The following FN1 variants were observed in gnomAD, a reference collection of about 807,000 sequenced individuals.
The protein encoded by FN1 is fibronectin.
Under a neutral mutation model 297.3 loss-of-function variants are expected in FN1, and 106 were observed. The ratio of observed to expected loss-of-function variants is 0.36; its 90% CI spans 0.30 to 0.42. The LOEUF (loss-of-function observed/expected upper bound fraction) is 0.42, where lower values mean the gene tolerates loss of function less well. Ranked by LOEUF, FN1 falls within the 10% of genes least tolerant of loss-of-function variation. The pLI is 1.00. For missense variants in FN1, 2,690 were observed against 3,124.9 expected (o/e 0.86, Z 3.32); for synonymous variants, 1,149 against 1,152.6 (o/e 1.00, Z 0.06).
intron 44 of FN1, chr2:215,363,494 A>C (rs1052455591): frequency 6.6e-6 from 1 of 152,220 alleles, no homozygotes; most frequent in South Asian, 2.1e-4. Flanking sequence ...CTGGGGGTGA[A>C]ACAAGATCAT....
At chr2:215,406,599 T>C (rs966388468) in intron 18 of FN1, 89 bp from the exon 19 acceptor site, 50 of 1,368,584 alleles carry the variant, frequency 3.7e-5, no homozygotes, top group African/African-American at 3.1e-4. Flanking sequence ...AGGCAGTTCA[T>C]TGAGCCTCTC....
At chr2:215,370,520 T>A in intron 40 of FN1, 88 bp from the exon 41 acceptor site, 1 of 1,018,800 alleles carries the variant, frequency 9.8e-7, no homozygotes, top group South Asian at 1.4e-5. Context: ...CCCTCACTGT[T>A]TAAACAAAGC....
rs992149994 is a variant in FN1, at chr2:215,409,823, C to T, written c.2123-84G>A. On this transcript the variant is annotated intron_variant, in intron 14 of 45. Coordinates refer to ENST00000354785, the MANE Select transcript of FN1 (RefSeq NM_212482.4). ...TCGTCGCCAACATCATTTTAAAAAA[C>T]GTTGGTGCCCCTCCTGGAAGAATAT... The T allele has an allele frequency of 4.8e-5, 76 of 1,590,156 alleles. No individual in the cohort carries two copies. The African/African-American group carries it at 6.2e-4, about 13-fold the overall frequency.
rs750223527 is a variant in FN1 at position 215,376,562 on chromosome 2, T to G, written c.5823A>C (p.Pro1941=). 12 of 1,613,998 alleles carry G rather than the reference T, an allele frequency of 7.4e-6. No individual in the cohort carries two copies. The East Asian group carries it at 8.9e-5, about 12-fold the overall frequency. ...TCTGGATTGGAGTCTGGCCATTGGCTGGAACGGCATCAACTTGGAAGCCAG... is the reference window on the plus strand; with the variant it reads ...TCTGGATTGGAGTCTGGCCATTGGCGGGAACGGCATCAACTTGGAAGCCAG... The part of the protein sequence containing the change: ...TITGFQVDAV[P]ANGQTPIQRT... Residue 1941 remains proline (P), a synonymous_variant, in exon 36 of 46, where the codon CCA becomes CCC. Transcript: ENST00000354785.
intron 42 of FN1, among the ~76,000 whole-genome samples, chr2:215,366,308 G>A (rs1004767206): frequency 6.6e-6 from 1 of 152,056 alleles, no homozygotes; most frequent in African/African-American, 2.4e-5. Flanking sequence ...GGAGTAGACT[G>A]TTAGGAATAG....
intron 28 of FN1, among the ~76,000 whole-genome samples, chr2:215,385,983 G>C (rs2058918789): frequency 6.6e-6 from 1 of 150,992 alleles, no homozygotes. Flanking sequence ...TCATCATGTT[G>C]GCCAGGATGG....
At chr2:215,408,250 G>A (rs770892516) in intron 16 of FN1, 48 bp downstream of exon 16, 16 of 1,613,560 alleles carry the variant, frequency 9.9e-6, no homozygotes, top group African/African-American at 4.0e-5. Context: ...CTACAGGCCT[G>A]TGTTTTACAG....
Position 215,425,223 on chromosome 2 carries a change from G to A in FN1, c.907C>T (p.Pro303Ser), listed in dbSNP as rs750138959. ...TCTGTGACACAGTGGCCATAGGGAG[G>A]AGGCTGGGGGTGAGGCTGCGGTTGG... is the stretch of plus-strand genomic sequence containing the variant. ...VYQPQPHPQP[P>S]PYGHCVTDSG... Residue 303 changes from proline to serine, a missense_variant, in exon 7 of 46, where the codon CCT (proline) becomes TCT (serine). Pro to Ser is a moderately conservative substitution (Grantham distance 74). Transcript: ENST00000354785. The A allele has an allele frequency of 1.3e-5, 21 of 1,614,060 alleles. No individual in the cohort carries two copies. Among genetic ancestry groups the A allele is most frequent in the Admixed American group, 6.7e-5 (4 of 60,014 alleles).
chr2:215,385,541 G>A (rs1322729924), intron 28 of FN1, among the ~76,000 whole-genome samples: 8 of 140,744 alleles, frequency 5.7e-5, no homozygotes, highest in Non-Finnish European at 1.1e-4. Flanking sequence ...CAGCCTGGGC[G>A]ACAGAGCAAG....
intron 20 of FN1, among the ~76,000 whole-genome samples, chr2:215,403,557 C>T (rs1401599906): frequency 1.3e-5 from 2 of 152,072 alleles, no homozygotes; most frequent in Non-Finnish European, 2.9e-5. Flanking sequence ...TTGAAAATAA[C>T]AAATGATGTT....
intron 40 of FN1, 52 bp from the exon 41 acceptor site, chr2:215,370,484 G>C: frequency 6.7e-7 from 1 of 1,500,908 alleles, no homozygotes; most frequent in South Asian, 1.1e-5. Flanking sequence ...AGTGAGGAAT[G>C]ACACGGGCTC....
At chr2:215,433,093 T>TGCACACACACTCATAAAC (rs2066814372) in intron 3 of FN1, among the ~76,000 whole-genome samples, 1 of 152,044 alleles carries the variant, frequency 6.6e-6, no homozygotes, top group Non-Finnish European at 1.5e-5. Context: ...CACTCATAAA[T>TGCACACACACTCATAAAC]GCACACACAC....
intron 42 of FN1, 64 bp downstream of exon 42, chr2:215,367,799 A>G: frequency 1.3e-6 from 2 of 1,521,092 alleles, no homozygotes; most frequent in Non-Finnish European, 1.8e-6. Flanking sequence ...TCCTTGGCAC[A>G]TGAGTGCATG....
chr2:215,375,319 G>A lies in FN1; in HGVS notation c.6052C>T (p.Arg2018Cys), dbSNP rs372237449. ...ATGATGTAGCCGGTAATCCTGGCAC[G>A]TGGCGGCTGCCATGATACCAGCAAG... is the stretch of plus-strand genomic sequence containing the variant. ...NSLLVSWQPPRARITGYIIKY... is the reference protein window; with the variant it reads ...NSLLVSWQPPCARITGYIIKY... Residue 2018 changes from arginine (R) to cysteine (C), a missense_variant, in exon 38 of 46, where the codon CGT becomes TGT. By Grantham distance (180) the Arg-to-Cys change is radical. Transcript: ENST00000354785. 3.6e-5 allele frequency: 58 copies of A among 1,613,978 alleles called. No homozygotes were observed. The highest frequency in any genetic ancestry group is 3.3e-4 in the Middle Eastern group (2 of 6,084).
At chr2:215,381,885 C>T in intron 32 of FN1, 1 of 364,514 alleles carries the variant, frequency 2.7e-6, no homozygotes. Context: ...CTTCAATCAA[C>T]TTTACCATCC....
Position 215,362,081 on chromosome 2 carries a change from TGA to T in FN1, c.7252-4_7252-3del, listed in dbSNP as rs1244048593. 2 of 1,612,242 alleles carry T rather than the reference TGA, an allele frequency of 1.2e-6. No homozygotes were observed. Among genetic ancestry groups the T allele is most frequent in the African/African-American group, 2.7e-5 (2 of 74,918 alleles). On this transcript the variant is annotated splice_region_variant and splice_polypyrimidine_tract_variant and intron_variant, in intron 44 of 45. Coordinates refer to ENST00000354785, the MANE Select transcript of FN1 (RefSeq NM_212482.4). Reference sequence around the variant, plus strand: ...GCGGCAGTTGTCACAGCGCCAGCCCTGAGAGAGTAGAGGCATGAAGTCAAATG... The same window carrying T: ...GCGGCAGTTGTCACAGCGCCAGCCCTGAGAGTAGAGGCATGAAGTCAAATG...
chr2:215,364,948 G>A lies in FN1; in HGVS notation c.7182C>T (p.His2394=), dbSNP rs151174151. The part of the protein sequence containing the change: ...ATCYDDGKTY[H]VGEQWQKEYL... ...ATTCCTTCTGCCACTGTTCTCCTAC[G>A]TGGTATGTCTTCCCATCATCATAAC... The change falls in exon 44 of 46, where the codon CAC becomes CAT. Residue 2394 remains histidine, a synonymous_variant. Coordinates refer to ENST00000354785, the MANE Select transcript of FN1 (RefSeq NM_212482.4). 6,255 of 1,581,028 alleles carry A rather than the reference G, an allele frequency of 4.0e-3. 17 individuals carry two copies. Among genetic ancestry groups the A allele is most frequent in the Non-Finnish European group, 4.9e-3 (5,668 of 1,162,294 alleles).
rs769685970 is a variant in FN1 at position 215,435,751 on chromosome 2, C to T, written c.52G>A (p.Gly18Arg). The T allele has an allele frequency of 1.2e-6, 2 of 1,602,018 alleles. No homozygotes were observed. Among genetic ancestry groups the T allele is most frequent in the South Asian group, 1.1e-5 (1 of 89,126 alleles). Reference protein sequence around the residue: ...GLLLLAVQCLGTAVPSTGASK... With the variant: ...GLLLLAVQCLRTAVPSTGASK... ...GCTCCCGTGGAGGGCACCGCTGTCC[C>T]CAGGCACTGGACGGCCAGCAGCAGC... is the stretch of plus-strand genomic sequence containing the variant. Residue 18 changes from glycine (G) to arginine (R), a missense_variant, in exon 1 of 46, where the codon GGG becomes AGG. Gly to Arg is a moderately radical substitution (Grantham distance 125, BLOSUM62 -2). Transcript: ENST00000354785.
Position 215,388,242 on chromosome 2 carries a change from T to C in FN1, c.4312A>G (p.Ser1438Gly). ...TTCTGTCTTCCTCTAAGAGGTGTGC[T>C]CTCATGTTGTTCGTAGACACTGGAG... is the stretch of plus-strand genomic sequence containing the variant. ...SVSSVYEQHE[S>G]TPLRGRQKTG... The change falls in exon 27 of 46, where the codon AGC (serine) becomes GGC (glycine). Residue 1438 changes from serine (S) to glycine (G), a missense_variant. Physicochemically the swap from Ser to Gly is moderately conservative, Grantham distance 56. Transcript: ENST00000354785. 5 of 1,614,004 alleles carry C rather than the reference T, an allele frequency of 3.1e-6. No individual in the cohort carries two copies. The highest frequency in any genetic ancestry group is 3.4e-6 in the Non-Finnish European group (4 of 1,179,856).
Sources: allele counts gnomAD v4.1 joint callset (sites outside exome capture counted in the v4.1 genomes callset), GRCh38; gene constraint gnomAD v4.1.1; transcripts MANE v1.5; gene names NCBI Gene and HGNC (gene_info 2026-07-23, HGNC 2026-07-21).